Variants in MALT1 observed in about 807,000 individuals in gnomAD.
MALT1 encodes the protein MALT1 paracaspase, also known as mucosa-associated lymphoid tissue lymphoma translocation protein 1.
In MALT1, 36 loss-of-function variants were observed where a neutral mutation model predicts 85.5. The ratio of observed to expected loss-of-function variants is 0.42; its 90% CI spans 0.32 to 0.56. MALT1 has a LOEUF of 0.56. MALT1 is among the 20% of genes least tolerant of loss of function. MALT1 has a pLI of 0.10. For synonymous variants in MALT1, 359 were observed against 361.3 expected (o/e 0.99, Z 0.07); for missense variants, 716 against 981.6 (o/e 0.73, Z 3.62).
chr18:58,706,142 C>T (rs1015872536), intron 4 of MALT1, among the ~76,000 whole-genome samples: 1 of 151,968 alleles, frequency 6.6e-6, no homozygotes, highest in Non-Finnish European at 1.5e-5. Context: ...CCCGCCACCA[C>T]GCCTGGCTAA....
chr18:58,709,309 C>A, intron 4 of MALT1, 69 bp from the exon 5 acceptor site: 1 of 1,059,126 alleles, frequency 9.4e-7, no homozygotes, highest in Non-Finnish European at 1.3e-6. Context: ...CTTGACACAT[C>A]TCTTTAATTA....
intron 9 of MALT1, among the ~76,000 whole-genome samples, chr18:58,716,383 C>T (rs766774215): frequency 1.3e-5 from 2 of 152,146 alleles, no homozygotes; most frequent in African/African-American, 4.8e-5. Flanking sequence ...AAAATGTAAA[C>T]GAACAGTTGC....
At chr18:58,693,623 T>C (rs2054545806) in intron 2 of MALT1, among the ~76,000 whole-genome samples, 1 of 152,190 alleles carries the variant, frequency 6.6e-6, no homozygotes, top group South Asian at 2.1e-4. Flanking sequence ...CCAGTGCCCA[T>C]TTACCATTCT....
intron 11 of MALT1, chr18:58,733,808 C>T (rs1408089680): frequency 5.2e-6 from 5 of 969,054 alleles, no homozygotes; most frequent in African/African-American, 1.6e-5. Context: ...TGGGCATTTA[C>T]TCACACTACA....
intron 13 of MALT1, among the ~76,000 whole-genome samples, chr18:58,738,338 G>A (rs556128976): frequency 6.6e-5 from 10 of 152,182 alleles, no homozygotes; most frequent in South Asian, 2.1e-4. Flanking sequence ...TAACTGCTAC[G>A]TAATATTCTG....
chr18:58,734,864 A>G (rs2055202994), intron 12 of MALT1, among the ~76,000 whole-genome samples: 1 of 152,058 alleles, frequency 6.6e-6, no homozygotes, highest in African/African-American at 2.4e-5. Context: ...CTTTTCTAAC[A>G]TTTTCTTTTT....
chr18:58,695,578 G>A (rs1175323075), intron 2 of MALT1, among the ~76,000 whole-genome samples: 1 of 152,160 alleles, frequency 6.6e-6, no homozygotes, highest in Non-Finnish European at 1.5e-5. Context: ...TTTCAATGGT[G>A]TTGTCTTTGT....
chr18:58,679,934 A>C lies in MALT1; in HGVS notation c.210-1236A>C, dbSNP rs139184688. Among the ~76,000 whole-genome samples the C allele has an allele frequency of 6.4e-3, 981 of 152,312 alleles. 7 individuals are homozygous for C. The highest frequency in any genetic ancestry group is 0.022 in the African/African-American group (902 of 41,558). On this transcript the variant is annotated intron_variant, in intron 1 of 16. Transcript: ENST00000649217. ...CAAAAGAGCCAGGAGTGGTGGCTCC[A>C]GCTCTTTGGGAGGCAGAGGCAGGAT... is the stretch of plus-strand genomic sequence containing the variant.
At chr18:58,691,397 C>A in intron 2 of MALT1, 1 of 581,560 alleles carries the variant, frequency 1.7e-6, no homozygotes, top group Non-Finnish European at 3.0e-6. Flanking sequence ...GCAATGACAC[C>A]AAGATCTCGG....
chr18:58,717,701 G>A (rs2054922488), intron 9 of MALT1, among the ~76,000 whole-genome samples: 1 of 144,624 alleles, frequency 6.9e-6, no homozygotes, highest in Non-Finnish European at 1.5e-5. Flanking sequence ...AGTGGAGATT[G>A]TGCCACTGCA....
chr18:58,693,921 C>G (rs776846791), intron 2 of MALT1, among the ~76,000 whole-genome samples: 4 of 152,104 alleles, frequency 2.6e-5, no homozygotes, highest in Non-Finnish European at 5.9e-5. Context: ...CCTGTCACAT[C>G]GAAACTTGGG....
At chr18:58,694,984 T>G (rs982052144) in intron 2 of MALT1, among the ~76,000 whole-genome samples, 2 of 152,186 alleles carry the variant, frequency 1.3e-5, no homozygotes, top group South Asian at 4.1e-4. Flanking sequence ...AGGGACCTGG[T>G]GGGAGGTAAT....
At chr18:58,709,882 T>C (rs753969939) in intron 5 of MALT1, 94 bp from the exon 6 acceptor site, 15 of 807,622 alleles carry the variant, frequency 1.9e-5, no homozygotes, top group Non-Finnish European at 3.1e-5. Flanking sequence ...TAAGATGTTA[T>C]GTTTTGGAGC....
chr18:58,697,728 A>G (rs2054610952), intron 3 of MALT1, among the ~76,000 whole-genome samples: 1 of 152,190 alleles, frequency 6.6e-6, no homozygotes, highest in African/African-American at 2.4e-5. Flanking sequence ...AGAGTTGAAG[A>G]GTTGTAATGG....
At chr18:58,735,705 T>C (rs1348279681) in intron 13 of MALT1, among the ~76,000 whole-genome samples, 1 of 152,064 alleles carries the variant, frequency 6.6e-6, no homozygotes, top group African/African-American at 2.4e-5. Flanking sequence ...GGTGGGGAAT[T>C]GTCCAGTGAG....
chr18:58,736,787 A>G (rs1012896376), intron 13 of MALT1, among the ~76,000 whole-genome samples: 1 of 152,226 alleles, frequency 6.6e-6, no homozygotes, highest in African/African-American at 2.4e-5. Context: ...CATGGAGCAC[A>G]CTCAGCTCAG....
chr18:58,734,694 A>G (rs2055201084), intron 12 of MALT1: 3 of 269,474 alleles, frequency 1.1e-5, no homozygotes, highest in African/African-American at 2.2e-5. Context: ...TAAATGATCG[A>G]CTTTAGCATT....
rs1255616357 is a variant in MALT1 at position 58,749,945 on chromosome 18, T to C, written c.*2103T>C. ...TCGGCACTACTTCTATTCAGCATTG[T>C]ACTTGAAGTTCTAGCCACAGCAGTT... On this transcript the variant is annotated 3_prime_UTR_variant, in exon 17 of 17. Transcript: ENST00000649217. The C allele has an allele frequency of 1.4e-5, 3 of 209,088 alleles. No homozygotes were observed. The highest frequency in any genetic ancestry group is 1.9e-5 in the Non-Finnish European group (2 of 102,860). The allele number at this position is 209,088 out of a possible 1,614,324, so 13.0% of individuals were successfully genotyped here. A position where few individuals can be genotyped will look rare whatever the true frequency, so the allele number is the denominator to read the frequency against.
chr18:58,717,588 T>C (rs989802470), intron 9 of MALT1, among the ~76,000 whole-genome samples: 1 of 150,938 alleles, frequency 6.6e-6, no homozygotes, highest in Non-Finnish European at 1.5e-5. Context: ...AGCTTTAAAA[T>C]AGAGAAGATA....
Sources: gnomAD v4.1 joint callset for allele counts (sites outside exome capture counted in the v4.1 genomes callset) on GRCh38, gnomAD v4.1.1 for gene constraint, MANE v1.5 for transcripts, NCBI Gene and HGNC (gene_info 2026-07-23, HGNC 2026-07-21) for gene names.